Variants in EXOC4 observed in about 807,000 individuals in gnomAD.
EXOC4 encodes the protein SEC8-like 1.
EXOC4 carries 71 observed loss-of-function variants against 107.2 expected under a neutral mutation model. The observed-to-expected ratio is 0.66, with a 90% CI of 0.55 to 0.81. The LOEUF (loss-of-function observed/expected upper bound fraction) is 0.81, where lower values mean the gene tolerates loss of function less well. Ranked by LOEUF, EXOC4 falls within the 30% of genes least tolerant of loss-of-function variation. The pLI is 0.00. For missense variants in EXOC4, 1,108 were observed against 1,189.6 expected (o/e 0.93, Z 1.01); for synonymous variants, 456 against 441.2 (o/e 1.03, Z -0.42).
intron 10 of EXOC4, among the ~76,000 whole-genome samples, chr7:133,650,116 A>C (rs991478564): frequency 3.3e-5 from 5 of 151,932 alleles, no homozygotes; most frequent in African/African-American, 1.2e-4. Flanking sequence ...TTTTTCCTCT[A>C]TTTTTCAGTT....
chr7:133,310,483 G>C (rs895945241), intron 4 of EXOC4, among the ~76,000 whole-genome samples: 8 of 152,186 alleles, frequency 5.3e-5, no homozygotes. Flanking sequence ...CAAGATTCTT[G>C]ATTGCAAATA....
intron 9 of EXOC4, among the ~76,000 whole-genome samples, chr7:133,578,038 C>T (rs920521773): frequency 3.9e-5 from 6 of 152,060 alleles, no homozygotes; most frequent in African/African-American, 1.2e-4. Context: ...TTAATAACCC[C>T]CTAATAAATA....
chr7:133,377,821 A>G lies in EXOC4; in HGVS notation c.1182+2819A>G, dbSNP rs139668751. Among the ~76,000 whole-genome samples the G allele has an allele frequency of 1.8e-3, 269 of 152,366 alleles. 1 individual carries two copies. Among genetic ancestry groups the G allele is most frequent in the African/African-American group, 6.0e-3 (250 of 41,590 alleles). On this transcript the variant is annotated intron_variant, in intron 7 of 17. Coordinates refer to ENST00000253861, the MANE Select transcript of EXOC4 (RefSeq NM_021807.4). ...AACAGTGATAAAAATTATCAGTGAC[A>G]TCTCATCAGAAACAATGCAAGCCAG... is the stretch of plus-strand genomic sequence containing the variant.
intron 10 of EXOC4, among the ~76,000 whole-genome samples, chr7:133,679,189 T>A (rs1380053147): frequency 3.3e-5 from 5 of 152,314 alleles, no homozygotes; most frequent in African/African-American, 1.2e-4. Flanking sequence ...TTCTTTCCCA[T>A]AAGTTGTTTT....
intron 17 of EXOC4, among the ~76,000 whole-genome samples, chr7:134,027,351 A>G (rs1426696632): frequency 6.6e-6 from 1 of 152,130 alleles, no homozygotes; most frequent in Non-Finnish European, 1.5e-5. Flanking sequence ...GAATATGAGG[A>G]AAAAAGCAGC....
intron 11 of EXOC4, among the ~76,000 whole-genome samples, chr7:133,864,643 G>A (rs1281906452): frequency 1.3e-5 from 2 of 152,150 alleles, no homozygotes; most frequent in African/African-American, 2.4e-5. Flanking sequence ...GGGAGATTTG[G>A]TGACTATAGA....
intron 9 of EXOC4, among the ~76,000 whole-genome samples, chr7:133,627,370 T>C (rs1481382187): frequency 2.6e-5 from 4 of 152,206 alleles, no homozygotes; most frequent in African/African-American, 9.6e-5. Context: ...CTGAATTTAA[T>C]TAATGAGTAC....
chr7:133,781,790 A>G (rs1045342340), intron 10 of EXOC4, among the ~76,000 whole-genome samples: 1 of 152,146 alleles, frequency 6.6e-6, no homozygotes, highest in Non-Finnish European at 1.5e-5. Flanking sequence ...TCAACTCCCA[A>G]TTGTGTTCTG....
intron 9 of EXOC4, among the ~76,000 whole-genome samples, chr7:133,609,408 T>C (rs1162251054): frequency 6.6e-6 from 1 of 152,230 alleles, no homozygotes; most frequent in Non-Finnish European, 1.5e-5. Flanking sequence ...ATATTGTGAC[T>C]GCAGTGAGTT....
chr7:133,331,526 G>A (rs1340061236), intron 5 of EXOC4, among the ~76,000 whole-genome samples: 3 of 131,198 alleles, frequency 2.3e-5, no homozygotes, highest in Admixed American at 1.9e-4. Context: ...GTGCAGTGGC[G>A]CAATCTCGGC....
chr7:134,043,026 T>C (rs1795556810), intron 17 of EXOC4, among the ~76,000 whole-genome samples: 1 of 152,134 alleles, frequency 6.6e-6, no homozygotes, highest in Non-Finnish European at 1.5e-5. Flanking sequence ...GGGTGACAGA[T>C]TAAGACTCCG....
chr7:133,665,034 C>T (rs1320515371), intron 10 of EXOC4, among the ~76,000 whole-genome samples: 1 of 152,134 alleles, frequency 6.6e-6, no homozygotes, highest in Admixed American at 6.6e-5. Flanking sequence ...AAATGCAATG[C>T]TCTTTATTTC....
intron 6 of EXOC4, among the ~76,000 whole-genome samples, chr7:133,371,392 T>G (rs2150684042): frequency 6.6e-6 from 1 of 152,300 alleles, no homozygotes; most frequent in Middle Eastern, 3.4e-3. Flanking sequence ...TACTTATCAG[T>G]CAGTTCCCAC....
intron 6 of EXOC4, among the ~76,000 whole-genome samples, chr7:133,371,075 C>T (rs1463671244): frequency 3.3e-5 from 5 of 152,116 alleles, no homozygotes; most frequent in Non-Finnish European, 5.9e-5. Context: ...AGTTGATGTC[C>T]TCCTGGTAGT....
intron 1 of EXOC4, among the ~76,000 whole-genome samples, chr7:133,259,462 G>A (rs762211621): frequency 2.2e-4 from 33 of 151,960 alleles, no homozygotes; most frequent in Admixed American, 5.2e-4. Context: ...CCTGACCTTA[G>A]GTGATTGGCC....
intron 17 of EXOC4, among the ~76,000 whole-genome samples, chr7:134,058,460 A>C (rs1795980705): frequency 6.6e-6 from 1 of 152,202 alleles, no homozygotes; most frequent in South Asian, 2.1e-4. Flanking sequence ...AGGGGCAAAA[A>C]GGGAAGAAAT....
intron 7 of EXOC4, among the ~76,000 whole-genome samples, chr7:133,390,041 C>T (rs1222374244): frequency 2.0e-5 from 3 of 152,206 alleles, no homozygotes; most frequent in East Asian, 3.9e-4. Flanking sequence ...TCCCACAACA[C>T]GTGGGAATTC....
intron 10 of EXOC4, among the ~76,000 whole-genome samples, chr7:133,813,939 A>C (rs1322734228): frequency 1.3e-5 from 2 of 152,186 alleles, no homozygotes; most frequent in African/African-American, 2.4e-5. Context: ...AAGTAAAGAA[A>C]ACTCTTTACT....
intron 10 of EXOC4, among the ~76,000 whole-genome samples, chr7:133,692,117 T>A (rs1022550592): frequency 3.3e-5 from 5 of 152,160 alleles, no homozygotes; most frequent in Non-Finnish European, 5.9e-5. Flanking sequence ...GTGGTAGTTT[T>A]AACCTGAAAA....
Sources: gnomAD v4.1 joint callset for allele counts (sites outside exome capture counted in the v4.1 genomes callset) on GRCh38, gnomAD v4.1.1 for gene constraint, MANE v1.5 for transcripts, NCBI Gene and HGNC (gene_info 2026-07-23, HGNC 2026-07-21) for gene names.